Variants in RNF150 observed in about 807,000 individuals in gnomAD.
RNF150 encodes ring finger protein 150.
In RNF150, 24 loss-of-function variants were observed where a neutral mutation model predicts 39.3. The ratio of observed to expected loss-of-function variants is 0.61; its 90% confidence interval spans 0.44 to 0.86. RNF150 has a LOEUF of 0.86. Ranked by LOEUF, RNF150 falls within the 40% of genes least tolerant of loss-of-function variation. The pLI is 0.00. For synonymous variants in RNF150, 255 were observed against 227.3 expected, an observed-to-expected ratio of 1.12 and a Z score of -1.10; for missense variants, 502 against 587.8, an observed-to-expected ratio of 0.85 and a Z score of 1.51.
intron 6 of RNF150, among the ~76,000 whole-genome samples, chr4:140,900,766 G>A (rs1253429257): frequency 6.6e-6 from 1 of 152,084 alleles, no homozygotes; most frequent in Non-Finnish European, 1.5e-5. Context: ...GTGTGGGGTG[G>A]GGAGAGAAGT....
At chr4:140,947,499 A>G (rs1461032888) in intron 4 of RNF150, among the ~76,000 whole-genome samples, 155 bp downstream of exon 4, 1 of 152,178 alleles carries the variant, frequency 6.6e-6, no homozygotes, top group African/African-American at 2.4e-5. Flanking sequence ...GGTTATACAA[A>G]AACAAGAATG....
chr4:140,982,412 C>T (rs1440640283), intron 1 of RNF150, among the ~76,000 whole-genome samples: 3 of 152,044 alleles, frequency 2.0e-5, no homozygotes, highest in Non-Finnish European at 4.4e-5. Context: ...ACCCACACCT[C>T]TGTTCACTGC....
chr4:140,979,985 T>C lies in RNF150; in HGVS notation c.485-12112A>G, dbSNP rs1021071136. On this transcript the variant is annotated intron_variant, in intron 1 of 6. Coordinates refer to ENST00000515673, the MANE Select transcript of RNF150 (RefSeq NM_020724.2). ...CATAATAAAAGAAAACATGCAATTG[T>C]GTTTTATTTTGCTTTGAACTACTGG... 1.5e-4 allele frequency among the ~76,000 whole-genome samples: 23 copies of C among 152,302 alleles called. 1 individual carries two copies. The highest frequency in any genetic ancestry group is 8.5e-4 in the Admixed American group (13 of 15,296).
intron 6 of RNF150, among the ~76,000 whole-genome samples, chr4:140,870,597 G>A (rs1402091106): frequency 6.6e-6 from 1 of 151,974 alleles, no homozygotes; most frequent in Non-Finnish European, 1.5e-5. Context: ...TGCCTGATTT[G>A]TGCTTGTTTT....
chr4:141,018,522 C>T (rs568191958), intron 1 of RNF150, among the ~76,000 whole-genome samples: 1 of 152,250 alleles, frequency 6.6e-6, no homozygotes, highest in South Asian at 2.1e-4. Flanking sequence ...CCTCTAGTCC[C>T]TGTAAATTTG....
chr4:141,126,871 A>T (rs866901619), intron 1 of RNF150, among the ~76,000 whole-genome samples: 2 of 152,180 alleles, frequency 1.3e-5, no homozygotes, highest in Non-Finnish European at 2.9e-5. Context: ...TGACTGACTC[A>T]AAGTCAAATG....
chr4:140,989,636 C>A (rs1734128371), intron 1 of RNF150, among the ~76,000 whole-genome samples: 1 of 152,100 alleles, frequency 6.6e-6, no homozygotes, highest in Non-Finnish European at 1.5e-5. Flanking sequence ...GAGGCAAAAT[C>A]ATTTAAATAT....
At chr4:141,164,052 C>G (rs922747230) in intron 1 of RNF150, among the ~76,000 whole-genome samples, 1 of 151,224 alleles carries the variant, frequency 6.6e-6, no homozygotes. Flanking sequence ...AGCTAAGAAC[C>G]TTGATAAAAC....
At chr4:141,161,768 G>C (rs2111158778) in intron 1 of RNF150, among the ~76,000 whole-genome samples, 2 of 152,326 alleles carry the variant, frequency 1.3e-5, no homozygotes, top group East Asian at 3.9e-4. Context: ...TACACCTCAG[G>C]CTGCTACTCC....
chr4:141,027,952 T>TTTTTG lies in RNF150; in HGVS notation c.485-60080_485-60079insCAAAA, dbSNP rs1553938684. 2.6e-3 allele frequency among the ~76,000 whole-genome samples: 186 copies of TTTTTG among 71,588 alleles called. 52 individuals carry two copies. The highest frequency in any genetic ancestry group is 3.9e-3 in the Non-Finnish European group (135 of 34,316). 47.0% of individuals were successfully genotyped at this position (71,588 alleles called of 152,430 possible). ...TTTTTTTTTTTTTTTTTTTTTTTTT[T>TTTTTG]CAATCCTGCTGGATCAAGATGTATA... On this transcript the variant is annotated intron_variant, in intron 1 of 6. Transcript: ENST00000515673.
chr4:140,997,125 C>T (rs1283687143), intron 1 of RNF150: 3 of 152,122 alleles, frequency 2.0e-5, no homozygotes, highest in Non-Finnish European at 4.4e-5. Flanking sequence ...GGAACTGAGA[C>T]TACAGATGGA....
chr4:140,984,219 G>C (rs1733950596), intron 1 of RNF150, among the ~76,000 whole-genome samples: 1 of 152,144 alleles, frequency 6.6e-6, no homozygotes, highest in Non-Finnish European at 1.5e-5. Context: ...AAACAGGATA[G>C]AACTTGGTGA....
rs372965603 is a variant in RNF150 at position 140,988,300 on chromosome 4, C to T, written c.485-20427G>A. 2.8e-4 allele frequency among the ~76,000 whole-genome samples: 42 copies of T among 152,096 alleles called. 2 individuals carry two copies. The highest frequency in any genetic ancestry group is 7.9e-4 in the Admixed American group (12 of 15,228). On this transcript the variant is annotated intron_variant, in intron 1 of 6. Coordinates refer to ENST00000515673, the MANE Select transcript of RNF150 (RefSeq NM_020724.2). ...GTTCTACCATAAAAACACATGCATG[C>T]GTATGTTCATCTCAGTACTGTTTAC... is the stretch of plus-strand genomic sequence containing the variant.
intron 1 of RNF150, among the ~76,000 whole-genome samples, chr4:141,165,011 TAA>T (rs1727577069): frequency 6.6e-6 from 1 of 152,120 alleles, no homozygotes; most frequent in Non-Finnish European, 1.5e-5. Flanking sequence ...GCAAATTGGA[TAA>T]AGAGTCAAAA....
intron 1 of RNF150, among the ~76,000 whole-genome samples, chr4:141,131,599 C>G (rs1453608452): frequency 6.6e-6 from 1 of 152,224 alleles, no homozygotes; most frequent in African/African-American, 2.4e-5. Context: ...TCTCTCTAGT[C>G]TGAAATCCCT....
chr4:141,020,077 C>T (rs1392719453), intron 1 of RNF150, among the ~76,000 whole-genome samples: 1 of 150,202 alleles, frequency 6.7e-6, no homozygotes, highest in African/African-American at 2.4e-5. Context: ...GTTCTTTAGC[C>T]AAGGGAGTTT....
chr4:141,186,851 C>A (rs62327560), intron 1 of RNF150, among the ~76,000 whole-genome samples: 18,455 of 152,096 alleles, frequency 0.12, 1,516 homozygotes, highest in Middle Eastern at 0.21. Flanking sequence ...GTCTCTATCT[C>A]CTTCAGTTCT....
chr4:141,014,752 TAC>T (rs1270228408), intron 1 of RNF150, among the ~76,000 whole-genome samples: 1 of 151,706 alleles, frequency 6.6e-6, no homozygotes, highest in Non-Finnish European at 1.5e-5. Flanking sequence ...TTATCAGATG[TAC>T]AGTTTGTAAA....
chr4:141,031,674 A>C (rs910485069), intron 1 of RNF150, among the ~76,000 whole-genome samples: 1 of 152,154 alleles, frequency 6.6e-6, no homozygotes, highest in Admixed American at 6.5e-5. Flanking sequence ...TAATAATCAG[A>C]TAAATGCAAA....
Sources: gnomAD v4.1 joint callset for allele counts (sites outside exome capture counted in the v4.1 genomes callset) on GRCh38, gnomAD v4.1.1 for gene constraint, MANE v1.5 for transcripts, NCBI Gene and HGNC (gene_info 2026-07-23, HGNC 2026-07-21) for gene names.